SIN3A: variants seen among roughly 807,000 people sequenced by gnomAD.
SIN3A encodes paired amphipathic helix protein Sin3a.
Under a neutral mutation model 146.1 loss-of-function variants are expected in SIN3A, and 14 were observed. The observed-to-expected ratio is 0.10, with a 90% CI of 0.06 to 0.15. The LOEUF (loss-of-function observed/expected upper bound fraction) is 0.15, where lower values mean the gene tolerates loss of function less well. Ranked by LOEUF, SIN3A falls within the 10% of genes least tolerant of loss-of-function variation. The pLI is 1.00. For synonymous variants in SIN3A, 572 were observed against 572.0 expected (o/e 1.00, Z 0.00); for missense variants, 1,028 against 1,576.0 (o/e 0.65, Z 5.89).
intron 5 of SIN3A, among the ~76,000 whole-genome samples, chr15:75,412,319 C>T (rs1175494325): frequency 6.6e-6 from 1 of 152,226 alleles, no homozygotes; most frequent in African/African-American, 2.4e-5. Context: ...AGACCAAGAA[C>T]ACCCCATCTT....
At chr15:75,447,303 C>T (rs112021246) in intron 1 of SIN3A, among the ~76,000 whole-genome samples, 2,878 of 152,282 alleles carry the variant, frequency 0.019, 95 homozygotes, top group African/African-American at 0.065. Context: ...CCTAAGTGGT[C>T]TAATTCTGGA....
At chr15:75,406,088 A>C (rs1013875703) in intron 9 of SIN3A, among the ~76,000 whole-genome samples, 3 of 152,208 alleles carry the variant, frequency 2.0e-5, no homozygotes, top group African/African-American at 7.2e-5. Flanking sequence ...GCAAAACCCA[A>C]GAGGCAGAAA....
At chr15:75,450,845 T>C (rs1242176886) in intron 1 of SIN3A, among the ~76,000 whole-genome samples, 3 of 151,614 alleles carry the variant, frequency 2.0e-5, no homozygotes, top group East Asian at 1.9e-4. Context: ...ACCTCCTCAT[T>C]GCCAAGGAGG....
chr15:75,450,412 C>G (rs1400660133), intron 1 of SIN3A, among the ~76,000 whole-genome samples: 1 of 152,110 alleles, frequency 6.6e-6, no homozygotes, highest in Non-Finnish European at 1.5e-5. Context: ...AACTGAACAT[C>G]AAGGGAACCC....
rs1383684523 is a variant in SIN3A, at chr15:75,394,794, A to G, written c.2163T>C (p.Asn721=). The G allele has an allele frequency of 6.2e-7, 1 of 1,614,012 alleles. No homozygotes were observed. The highest frequency in any genetic ancestry group is 1.7e-5 in the Admixed American group (1 of 60,014). Residue 721 remains asparagine, a synonymous_variant, in exon 14 of 21, where the codon AAT becomes AAC. Transcript: ENST00000394947. ...CCAGAGACTTCAAGTAGTATTTCTC[A>G]TTTTGTTCTCGCCATACTTTGTTAA... The part of the protein sequence containing the change: ...RGFNKVWREQ[N]EKYYLKSLDH...
At chr15:75,424,958 A>G (rs2073900641) in intron 2 of SIN3A, among the ~76,000 whole-genome samples, 1 of 152,240 alleles carries the variant, frequency 6.6e-6, no homozygotes, top group Non-Finnish European at 1.5e-5. Flanking sequence ...AAAAGTTCAT[A>G]ATCCACAAGT....
intron 6 of SIN3A, among the ~76,000 whole-genome samples, 158 bp from the exon 7 acceptor site, chr15:75,410,444 A>T (rs78137634): frequency 6.6e-6 from 1 of 150,790 alleles, no homozygotes; most frequent in Non-Finnish European, 1.5e-5. Flanking sequence ...CAAGTTGAGA[A>T]AAAAAAAAAG....
At chr15:75,447,476 TTA>T (rs1491355300) in intron 1 of SIN3A, among the ~76,000 whole-genome samples, 1 of 152,130 alleles carries the variant, frequency 6.6e-6, no homozygotes, top group African/African-American at 2.4e-5. Flanking sequence ...GAGATCCCCG[TTA>T]GAGTCATCAG....
chr15:75,400,877 C>T lies in SIN3A; in HGVS notation c.1590G>A (p.Leu530=). The change falls in exon 11 of 21, where the codon CTG becomes CTA. Residue 530 remains leucine (L), a synonymous_variant. Transcript: ENST00000394947. ...TGGCTCGCTCCTTTGGATAAGTTTC[C>T]AGATGTACAGACTCCTTATAGCCCA... ...NFLGYKESVH[L]ETYPKERATE... The T allele has an allele frequency of 6.2e-7, 1 of 1,614,144 alleles. No homozygotes were observed. Among genetic ancestry groups the T allele is most frequent in the South Asian group, 1.1e-5 (1 of 91,080 alleles).
Position 75,412,803 on chromosome 15 carries a change from G to A in SIN3A, c.716C>T (p.Ala239Val), listed in dbSNP as rs2141498242. 5 of 1,603,206 alleles carry A rather than the reference G, an allele frequency of 3.1e-6. No homozygotes were observed. The highest frequency in any genetic ancestry group is 3.4e-6 in the Non-Finnish European group (4 of 1,173,058). ...QPSAQSAPAP[A>V]QPAPQPPPAK... ...AGGTGGGGGCTGAGGAGCTGGCTGG[G>A]CAGGAGCTGGGGCTGACTGGGCTGA... Residue 239 changes from alanine to valine, a missense_variant, in exon 5 of 21, where the codon GCC becomes GTC. Physicochemically the swap from Ala to Val is moderately conservative, Grantham distance 64. This residue lies in a region of SIN3A where 112 missense variants were observed against 135.7 expected (regional missense o/e 0.83). Coordinates refer to ENST00000394947, the MANE Select transcript of SIN3A (RefSeq NM_001145358.2).
chr15:75,412,648 G>T, intron 5 of SIN3A, 115 bp downstream of exon 5: 3 of 1,094,970 alleles, frequency 2.7e-6, no homozygotes, highest in Middle Eastern at 3.2e-4. Flanking sequence ...TTTCTATGAC[G>T]AAATCTTTGT....
chr15:75,443,164 C>T lies in SIN3A; in HGVS notation c.-34+8259G>A, dbSNP rs151255123. ...TGGTTTATATAACTTTACCGTCATC[C>T]TAACAGTCTAGAGTACTACTGTCAC... On this transcript the variant is annotated intron_variant, in intron 1 of 20. Coordinates refer to ENST00000394947, the MANE Select transcript of SIN3A (RefSeq NM_001145358.2). Among the ~76,000 whole-genome samples, 248 of 152,198 alleles carry T rather than the reference C, an allele frequency of 1.6e-3. 1 individual carries two copies. The highest frequency in any genetic ancestry group is 4.9e-3 in the African/African-American group (202 of 41,518).
intron 2 of SIN3A, among the ~76,000 whole-genome samples, chr15:75,429,674 A>G (rs1048947854): frequency 2.6e-5 from 4 of 152,240 alleles, no homozygotes; most frequent in African/African-American, 9.6e-5. Context: ...TGTTCACAGC[A>G]GCACCTTTGT....
At chr15:75,439,651 G>C (rs1484028064) in intron 1 of SIN3A, among the ~76,000 whole-genome samples, 1 of 151,538 alleles carries the variant, frequency 6.6e-6, no homozygotes, top group Non-Finnish European at 1.5e-5. Context: ...GGCCATCAAT[G>C]CTTCTTTTAC....
chr15:75,446,017 A>G (rs565294210), intron 1 of SIN3A, among the ~76,000 whole-genome samples: 3 of 152,250 alleles, frequency 2.0e-5, no homozygotes, highest in Non-Finnish European at 1.5e-5. Context: ...ACATTCTCTA[A>G]TATCTACTGA....
chr15:75,422,434 G>C (rs1595915032), intron 3 of SIN3A: 1 of 632,246 alleles, frequency 1.6e-6, no homozygotes, highest in East Asian at 2.7e-5. Context: ...CATTCATACA[G>C]TCCACAAACA....
intron 9 of SIN3A, among the ~76,000 whole-genome samples, chr15:75,403,564 G>A (rs1262000353): frequency 6.7e-6 from 1 of 148,278 alleles, no homozygotes; most frequent in Non-Finnish European, 1.5e-5. Flanking sequence ...TTTTGAGACC[G>A]AGTTTCACTA....
chr15:75,422,520 G>T, intron 3 of SIN3A, 127 bp downstream of exon 3: 2 of 1,104,530 alleles, frequency 1.8e-6, no homozygotes, highest in Non-Finnish European at 2.7e-6. Context: ...AAACAAAAAC[G>T]GTAAAACTTG....
At chr15:75,373,192 C>G (rs1234753590) in intron 20 of SIN3A, among the ~76,000 whole-genome samples, 3 of 152,088 alleles carry the variant, frequency 2.0e-5, no homozygotes, top group Non-Finnish European at 4.4e-5. Flanking sequence ...TAATGTGAAT[C>G]AGAGACAGGC....
Sources: allele counts gnomAD v4.1 joint callset (sites outside exome capture counted in the v4.1 genomes callset), GRCh38; gene constraint gnomAD v4.1.1; regional missense constraint gnomAD v4.1.1; transcripts MANE v1.5; gene names NCBI Gene and HGNC (gene_info 2026-07-23, HGNC 2026-07-21).